SYT6: variants seen among roughly 807,000 people sequenced by gnomAD.
SYT6 encodes the protein synaptotagmin-6.
A neutral mutation model predicts 38.4 loss-of-function variants in SYT6; 24 were observed. The ratio of observed to expected loss-of-function variants is 0.62; its 90% CI spans 0.45 to 0.88. The LOEUF (loss-of-function observed/expected upper bound fraction) is 0.88, where lower values mean the gene tolerates loss of function less well. SYT6 is among the 40% of genes least tolerant of loss of function. The probability of loss-of-function intolerance (pLI) is 0.00; values close to 1 mark genes in which losing one functional copy is unlikely to be tolerated. For missense variants in SYT6, 611 were observed against 621.0 expected (o/e 0.98, Z 0.17); for synonymous variants, 265 against 241.9 (o/e 1.10, Z -0.89).
At chr1:114,097,956 G>A in intron 5 of SYT6, 79 bp from the exon 6 acceptor site, 1 of 1,525,542 alleles carries the variant, frequency 6.6e-7, no homozygotes, top group East Asian at 2.3e-5. Context: ...GGGGTGGTAG[G>A]ACTCTGCCCG....
chr1:114,121,258 T>A (rs1295469283), intron 3 of SYT6, among the ~76,000 whole-genome samples: 4 of 152,248 alleles, frequency 2.6e-5, no homozygotes, highest in Non-Finnish European at 4.4e-5. Context: ...GCTTGGGGCC[T>A]GCCAGATCTT....
At chr1:114,147,287 G>C (rs1679202352) in intron 1 of SYT6, among the ~76,000 whole-genome samples, 1 of 152,116 alleles carries the variant, frequency 6.6e-6, no homozygotes, top group South Asian at 2.1e-4. Flanking sequence ...CTGGTGAACA[G>C]GAATGAATTC....
chr1:114,141,282 T>C (rs1250410967), intron 1 of SYT6, among the ~76,000 whole-genome samples: 1 of 152,226 alleles, frequency 6.6e-6, no homozygotes, highest in African/African-American at 2.4e-5. Flanking sequence ...TCAGAAGTGT[T>C]ACTCCAGCAA....
intron 3 of SYT6, among the ~76,000 whole-genome samples, chr1:114,129,915 C>A (rs1678048618): frequency 1.3e-5 from 2 of 151,624 alleles, no homozygotes; most frequent in South Asian, 4.2e-4. Flanking sequence ...AAAATCCTGG[C>A]CTCACATAAT....
intron 4 of SYT6, 128 bp from the exon 5 acceptor site, chr1:114,099,393 A>G: frequency 1.1e-6 from 1 of 914,210 alleles, no homozygotes. Flanking sequence ...GTGGGTTGTT[A>G]AAATAATTAA....
At chr1:114,096,766 T>A (rs1327058733) in intron 6 of SYT6, among the ~76,000 whole-genome samples, 4 of 152,178 alleles carry the variant, frequency 2.6e-5, no homozygotes, top group Non-Finnish European at 5.9e-5. Context: ...AAAGCTTTAT[T>A]TTGTATTAGT....
At position 114,139,944 on chromosome 1, in the gene SYT6, G is replaced by A. The variant is rs779370573; in HGVS notation, c.183C>T (p.Leu61=). 10 of 1,508,202 alleles carry A rather than the reference G, an allele frequency of 6.6e-6. No homozygotes were observed. The highest frequency in any genetic ancestry group is 1.3e-5 in the South Asian group (1 of 74,416). The allele number at this position is 1,508,202 out of a possible 1,614,324, so 93.4% of individuals were successfully genotyped here. A position where few individuals can be genotyped will look rare whatever the true frequency, so the allele number is the denominator to read the frequency against. ...CGCCACACACAATAACTACAACTGC[G>A]AGGAGGCTGACAGAGGTGCCTGCCC... ...AAGAGTSVSL[L]AVVVIVCGVA... is the part of the protein sequence containing the mutation. Residue 61 remains leucine (L), a synonymous_variant, in exon 2 of 8, where the codon CTC becomes CTT. Coordinates refer to ENST00000610222, the MANE Select transcript of SYT6 (RefSeq NM_001253772.2).
Position 114,097,685 on chromosome 1 carries a change from G to A in SYT6, c.1515+42C>T, listed in dbSNP as rs778449184. 2.1e-5 allele frequency: 34 copies of A among 1,605,926 alleles called. 1 individual carries two copies. The highest frequency in any genetic ancestry group is 3.3e-4 in the Middle Eastern group (2 of 6,030). ...TGACTGCCATTCTCCAGCCCACACT[G>A]CCATGCAGCAAACATGCCAAGGGCC... On this transcript the variant is annotated intron_variant, in intron 6 of 7. Transcript: ENST00000610222.
At chr1:114,138,721 G>A (rs1045476912) in intron 2 of SYT6, among the ~76,000 whole-genome samples, 8 of 152,214 alleles carry the variant, frequency 5.3e-5, no homozygotes, top group African/African-American at 1.9e-4. Flanking sequence ...CAATATATGT[G>A]TTAGCTCTCC....
intron 3 of SYT6, among the ~76,000 whole-genome samples, chr1:114,118,021 G>A (rs529200835): frequency 8.7e-4 from 133 of 152,316 alleles, no homozygotes; most frequent in Middle Eastern, 3.4e-3. Flanking sequence ...GCCGCTAGTG[G>A]GTTGGCTTCA....
At chr1:114,114,112 T>C (rs1676851238) in intron 3 of SYT6, among the ~76,000 whole-genome samples, 1 of 152,166 alleles carries the variant, frequency 6.6e-6, no homozygotes, top group Admixed American at 6.5e-5. Flanking sequence ...CGCCTCCCTC[T>C]GCTGCCAACT....
intron 6 of SYT6, among the ~76,000 whole-genome samples, chr1:114,097,017 G>A (rs764130157): frequency 1.3e-5 from 2 of 152,198 alleles, no homozygotes; most frequent in African/African-American, 2.4e-5. Context: ...GGAGAAGTTT[G>A]CAGATATTAC....
At position 114,100,398 on chromosome 1, in the gene SYT6, G is replaced by A. The variant is rs143875239; in HGVS notation, c.1193-1133C>T. Among the ~76,000 whole-genome samples the A allele has an allele frequency of 9.1e-3, 1,391 of 152,252 alleles. 19 individuals are homozygous for A. Among genetic ancestry groups the A allele is most frequent in the African/African-American group, 0.031 (1,303 of 41,524 alleles). On this transcript the variant is annotated intron_variant, in intron 4 of 7. Transcript: ENST00000610222. The stretch of plus-strand genomic sequence containing the variant: ...TATGGTTCTATCTCCTGGACATCGA[G>A]CACCCACTAGGGCCCTGTACTCCCT...
intron 3 of SYT6, among the ~76,000 whole-genome samples, chr1:114,122,909 C>A (rs12028206): frequency 0.37 from 56,409 of 151,824 alleles, 10,573 homozygotes; most frequent in East Asian, 0.57. Context: ...GAGCCCTAAT[C>A]CCCTACTTTC....
intron 6 of SYT6, among the ~76,000 whole-genome samples, chr1:114,095,389 G>A (rs1334359050): frequency 1.3e-5 from 2 of 152,304 alleles, no homozygotes; most frequent in South Asian, 2.1e-4. Context: ...TGATTCTGGG[G>A]CCAAGTCCTG....
At chr1:114,122,093 G>A (rs936558500) in intron 3 of SYT6, among the ~76,000 whole-genome samples, 1 of 152,230 alleles carries the variant, frequency 6.6e-6, no homozygotes, top group African/African-American at 2.4e-5. Flanking sequence ...CGTGCCCCTT[G>A]CAGGGTCTCA....
At chr1:114,140,757 G>C (rs76304435) in intron 1 of SYT6, among the ~76,000 whole-genome samples, 1 of 152,280 alleles carries the variant, frequency 6.6e-6, no homozygotes, top group East Asian at 1.9e-4. Flanking sequence ...TTGAAGATTT[G>C]TGGCCACCCT....
chr1:114,132,079 C>T (rs920315621), intron 3 of SYT6, among the ~76,000 whole-genome samples: 2 of 152,158 alleles, frequency 1.3e-5, no homozygotes, highest in Non-Finnish European at 2.9e-5. Flanking sequence ...CTCAAACCTT[C>T]GTTTGTTTAT....
At chr1:114,149,616 C>T (rs1158604308) in intron 1 of SYT6, among the ~76,000 whole-genome samples, 1 of 152,028 alleles carries the variant, frequency 6.6e-6, no homozygotes, top group East Asian at 1.9e-4. Flanking sequence ...AGAACATTGG[C>T]ACTAATTTAA....
Sources: allele counts gnomAD v4.1 joint callset (sites outside exome capture counted in the v4.1 genomes callset), GRCh38; gene constraint gnomAD v4.1.1; transcripts MANE v1.5; gene names NCBI Gene and HGNC (gene_info 2026-07-23, HGNC 2026-07-21).